Variants in NPAT observed in about 807,000 individuals in gnomAD.
NPAT encodes nuclear protein, coactivator of histone transcription.
Under a neutral mutation model 130.7 loss-of-function variants are expected in NPAT, and 52 were observed. The observed-to-expected ratio is 0.40, with a 90% CI of 0.32 to 0.50. The LOEUF (loss-of-function observed/expected upper bound fraction) is 0.50, where lower values mean the gene tolerates loss of function less well. NPAT is among the 20% of genes least tolerant of loss of function. The probability of loss-of-function intolerance (pLI) is 0.68; values close to 1 mark genes in which losing one functional copy is unlikely to be tolerated. For missense variants in NPAT, 1,687 were observed against 1,662.6 expected (o/e 1.01, Z -0.26); for synonymous variants, 580 against 584.8 (o/e 0.99, Z 0.12).
At chr11:108,184,419 C>G (rs1334124862) in intron 10 of NPAT, among the ~76,000 whole-genome samples, 1 of 150,960 alleles carries the variant, frequency 6.6e-6, no homozygotes, top group Non-Finnish European at 1.5e-5. Context: ...TTGCAGTGAC[C>G]TGACATTGTG....
intron 1 of NPAT, among the ~76,000 whole-genome samples, chr11:108,220,634 T>C (rs2078475851): frequency 6.6e-6 from 1 of 152,142 alleles, no homozygotes; most frequent in Non-Finnish European, 1.5e-5. Flanking sequence ...GAGTAAATAA[T>C]AAACCTCATA....
intron 10 of NPAT, among the ~76,000 whole-genome samples, chr11:108,180,366 T>A (rs1310854456): frequency 6.6e-6 from 1 of 152,144 alleles, no homozygotes; most frequent in African/African-American, 2.4e-5. Flanking sequence ...AGAATTCCTA[T>A]AACTCAACAA....
chr11:108,174,898 C>T (rs1486561318), intron 12 of NPAT, among the ~76,000 whole-genome samples: 1 of 152,210 alleles, frequency 6.6e-6, no homozygotes, highest in Non-Finnish European at 1.5e-5. Context: ...GGATTACAGG[C>T]ATAAGCCACT....
chr11:108,190,189 T>C (rs1484930310), intron 5 of NPAT, among the ~76,000 whole-genome samples: 1 of 151,490 alleles, frequency 6.6e-6, no homozygotes, highest in African/African-American at 2.4e-5. Flanking sequence ...GGCACACGCC[T>C]GTAGTCCCAG....
intron 10 of NPAT, among the ~76,000 whole-genome samples, chr11:108,182,633 G>C (rs531350240): frequency 2.0e-5 from 3 of 152,232 alleles, no homozygotes; most frequent in Non-Finnish European, 4.4e-5. Flanking sequence ...GTGTAGCTGG[G>C]ATTATAGGTG....
chr11:108,199,811 G>A (rs1318484785), intron 1 of NPAT, among the ~76,000 whole-genome samples: 1 of 152,176 alleles, frequency 6.6e-6, no homozygotes, highest in Non-Finnish European at 1.5e-5. Flanking sequence ...AGTGTTACCT[G>A]AAGGCTCCTG....
At chr11:108,203,298 G>A (rs952759883) in intron 1 of NPAT, among the ~76,000 whole-genome samples, 4 of 152,088 alleles carry the variant, frequency 2.6e-5, no homozygotes, top group Non-Finnish European at 2.9e-5. Context: ...ACTGTCAGAG[G>A]CCCAATTCTG....
Position 108,188,160 on chromosome 11 carries a change from G to A in NPAT, c.576C>T (p.Val192=). 2 of 1,613,100 alleles carry A rather than the reference G, an allele frequency of 1.2e-6. 1 individual carries two copies. The highest frequency in any genetic ancestry group is 1.7e-6 in the Non-Finnish European group (2 of 1,179,410). The change falls in exon 7 of 18, where the codon GTC becomes GTT. Residue 192 remains valine, a synonymous_variant. Transcript: ENST00000278612. ...CTTTCTTTTCCTGAGCACCAGGAATGACATTTAAAGCTTCTCCAGCTGTAT... is the reference window on the plus strand; with the variant it reads ...CTTTCTTTTCCTGAGCACCAGGAATAACATTTAAAGCTTCTCCAGCTGTAT... ...DTVTTGEALN[V]IPGAQEKKAH...
intron 1 of NPAT, among the ~76,000 whole-genome samples, chr11:108,200,006 G>A (rs1274210414): frequency 1.3e-5 from 2 of 152,222 alleles, no homozygotes; most frequent in Admixed American, 6.5e-5. Flanking sequence ...CATCAGCAGT[G>A]TAATTCAGAA....
At chr11:108,189,006 G>T in intron 6 of NPAT, 100 bp downstream of exon 6, 1 of 900,012 alleles carries the variant, frequency 1.1e-6, no homozygotes, top group Non-Finnish European at 1.8e-6. Flanking sequence ...TTATGGGGGG[G>T]GCCATAATTT....
Position 108,161,651 on chromosome 11 carries a change from T to C in NPAT, c.3435A>G (p.Gln1145=), listed in dbSNP as rs2077851307. Residue 1145 remains glutamine (Q), a synonymous_variant, in exon 17 of 18, where the codon CAA becomes CAG. Transcript: ENST00000278612. ...CTGTTGGTGAAACTTTCTTTTCTGA[T>C]TGAGTTTCTCTTATGGTGGTATGCC... ...ISRHTTIRET[Q]SEKKVSPTEI... is the part of the protein sequence containing the mutation. 1 of 1,614,114 alleles carries C rather than the reference T, an allele frequency of 6.2e-7. No individual in the cohort carries two copies. The highest frequency in any genetic ancestry group is 8.5e-7 in the Non-Finnish European group (1 of 1,180,040).
rs376250464 is a variant in NPAT at position 108,222,459 on chromosome 11, T to G, written c.37+41A>C. 3.4e-5 allele frequency: 55 copies of G among 1,610,748 alleles called. No individual in the cohort carries two copies. In the African/African-American group the frequency reaches 5.9e-4, roughly 17 times the overall value. ...GCCTCAAAGGTCCTTCTGTCCAGCATAGCCGGGTCCAATAACCCTCCATCC... is the reference window on the plus strand; with the variant it reads ...GCCTCAAAGGTCCTTCTGTCCAGCAGAGCCGGGTCCAATAACCCTCCATCC... On this transcript the variant is annotated intron_variant, in intron 1 of 17. Coordinates refer to ENST00000278612, the MANE Select transcript of NPAT (RefSeq NM_002519.3).
At chr11:108,208,550 T>A in intron 1 of NPAT, 1 of 435,918 alleles carries the variant, frequency 2.3e-6, no homozygotes, top group Non-Finnish European at 4.6e-6. Context: ...ACTGCACCAC[T>A]GCACTCGAGC....
chr11:108,186,703 G>A (rs4753833), intron 7 of NPAT, 134 bp from the exon 8 acceptor site: 400,762 of 731,218 alleles, frequency 0.55, 113,007 homozygotes, highest in Middle Eastern at 0.72. Flanking sequence ...GCAGGGGGCT[G>A]GTTTCAGGAC....
chr11:108,210,182 A>C (rs988016915), intron 1 of NPAT, among the ~76,000 whole-genome samples: 1 of 152,030 alleles, frequency 6.6e-6, no homozygotes, highest in African/African-American at 2.4e-5. Flanking sequence ...GAACAGTATG[A>C]ACAGTTGTTA....
intron 15 of NPAT, among the ~76,000 whole-genome samples, chr11:108,164,390 T>C (rs1049179565): frequency 3.9e-5 from 6 of 152,172 alleles, no homozygotes; most frequent in South Asian, 2.1e-4. Context: ...TCAAGGGCTA[T>C]AGAGTAGCTA....
At chr11:108,221,609 G>T (rs2078499406) in intron 1 of NPAT, among the ~76,000 whole-genome samples, 1 of 152,170 alleles carries the variant, frequency 6.6e-6, no homozygotes, top group Admixed American at 6.5e-5. Context: ...AATAATAGTA[G>T]TAATGGCTGT....
intron 1 of NPAT, chr11:108,208,411 G>A: frequency 2.2e-6 from 1 of 455,372 alleles, no homozygotes; most frequent in Non-Finnish European, 4.4e-6. Context: ...GAAACCTAGT[G>A]AGAACCCACC....
chr11:108,199,688 T>C (rs2078256632), intron 1 of NPAT, among the ~76,000 whole-genome samples: 1 of 152,206 alleles, frequency 6.6e-6, no homozygotes, highest in Non-Finnish European at 1.5e-5. Context: ...CCTCGGGTAC[T>C]GGGAATGTTG....
Sources: allele counts gnomAD v4.1 joint callset (sites outside exome capture counted in the v4.1 genomes callset), GRCh38; gene constraint gnomAD v4.1.1; transcripts MANE v1.5; gene names NCBI Gene and HGNC (gene_info 2026-07-23, HGNC 2026-07-21).